SH2D4A: variants seen among roughly 807,000 people sequenced by gnomAD.
SH2D4A encodes SH2 domain-containing protein 4A.
Under a neutral mutation model 64.7 loss-of-function variants are expected in SH2D4A, and 70 were observed. The ratio of observed to expected loss-of-function variants is 1.08; its 90% CI spans 0.89 to 1.32. The LOEUF (loss-of-function observed/expected upper bound fraction) is 1.32, where lower values mean the gene tolerates loss of function less well. Among genes scored for constraint, SH2D4A ranks in the 40% most tolerant of loss-of-function variants. SH2D4A has a pLI of 0.00. For missense variants in SH2D4A, 706 were observed against 540.1 expected (o/e 1.31, Z -3.04); for synonymous variants, 268 against 200.7 (o/e 1.34, Z -2.83).
At chr8:19,330,587 C>G (rs1031221653) in intron 2 of SH2D4A, among the ~76,000 whole-genome samples, 22 of 152,246 alleles carry the variant, frequency 1.4e-4, no homozygotes, top group African/African-American at 5.1e-4. Flanking sequence ...GGATTTCTCT[C>G]CCCACCTGCA....
At chr8:19,390,073 C>T (rs556568036) in intron 8 of SH2D4A, among the ~76,000 whole-genome samples, 17 of 152,176 alleles carry the variant, frequency 1.1e-4, no homozygotes, top group East Asian at 3.9e-4. Context: ...GGACAAGTAC[C>T]GTTAGGTTGA....
intron 2 of SH2D4A, among the ~76,000 whole-genome samples, chr8:19,323,007 A>G (rs1303350552): frequency 6.6e-6 from 1 of 152,144 alleles, no homozygotes; most frequent in Admixed American, 6.6e-5. Flanking sequence ...AGGCTGAAGT[A>G]GAAGGGGCTG....
intron 4 of SH2D4A, among the ~76,000 whole-genome samples, chr8:19,344,072 G>C (rs1193523767): frequency 6.6e-6 from 1 of 152,194 alleles, no homozygotes; most frequent in African/African-American, 2.4e-5. Context: ...GTAAGTTTGA[G>C]TAGATGCTAA....
intron 8 of SH2D4A, among the ~76,000 whole-genome samples, chr8:19,386,620 G>C (rs1357517201): frequency 6.6e-6 from 1 of 152,158 alleles, no homozygotes; most frequent in East Asian, 1.9e-4. Context: ...TTGCCTAGAG[G>C]GGCCTCAGAG....
At chr8:19,351,325 TG>T (rs1193320562) in intron 4 of SH2D4A, among the ~76,000 whole-genome samples, 1 of 152,176 alleles carries the variant, frequency 6.6e-6, no homozygotes, top group African/African-American at 2.4e-5. Flanking sequence ...AGATCTCTGC[TG>T]GGCACAGTGG....
intron 7 of SH2D4A, among the ~76,000 whole-genome samples, chr8:19,372,388 G>A (rs1007514023): frequency 5.9e-5 from 9 of 152,158 alleles, no homozygotes; most frequent in Non-Finnish European, 1.2e-4. Context: ...GCTGGTCAGG[G>A]ACTCCAGTAC....
chr8:19,390,634 A>C (rs2053476727), intron 8 of SH2D4A, among the ~76,000 whole-genome samples: 1 of 152,202 alleles, frequency 6.6e-6, no homozygotes, highest in Admixed American at 6.5e-5. Context: ...AAAAAAGCAA[A>C]GACAAACTAC....
chr8:19,369,913 T>C (rs1340961895), intron 7 of SH2D4A, among the ~76,000 whole-genome samples: 1 of 152,088 alleles, frequency 6.6e-6, no homozygotes, highest in Non-Finnish European at 1.5e-5. Context: ...ATTACTTATT[T>C]GATATCTTTC....
At chr8:19,370,001 ATGT>A (rs1231256988) in intron 7 of SH2D4A, among the ~76,000 whole-genome samples, 1 of 151,962 alleles carries the variant, frequency 6.6e-6, no homozygotes, top group Admixed American at 6.6e-5. Flanking sequence ...AGGATTTGGT[ATGT>A]TGTTTTCATT....
chr8:19,393,939 T>TTTA (rs1160351683), intron 9 of SH2D4A, among the ~76,000 whole-genome samples: 6 of 152,198 alleles, frequency 3.9e-5, no homozygotes, highest in African/African-American at 1.4e-4. Context: ...GATTGTGCAT[T>TTTA]TTATTATTAC....
chr8:19,387,879 G>C (rs2053417649), intron 8 of SH2D4A, among the ~76,000 whole-genome samples: 1 of 152,192 alleles, frequency 6.6e-6, no homozygotes, highest in South Asian at 2.1e-4. Context: ...ATAAGCCCTA[G>C]TTAATAAGCG....
At chr8:19,333,492 C>T (rs549384107) in intron 3 of SH2D4A, among the ~76,000 whole-genome samples, 20 of 152,132 alleles carry the variant, frequency 1.3e-4, no homozygotes, top group Admixed American at 6.5e-4. Flanking sequence ...TGCAGGCCGA[C>T]GCAGCTGAGT....
At chr8:19,370,347 C>T (rs1008049449) in intron 7 of SH2D4A, among the ~76,000 whole-genome samples, 9 of 151,912 alleles carry the variant, frequency 5.9e-5, no homozygotes, top group African/African-American at 1.7e-4. Context: ...TGTTGAAGTC[C>T]TCTACTATTG....
chr8:19,381,548 C>T (rs2053292838), intron 8 of SH2D4A, among the ~76,000 whole-genome samples: 1 of 152,104 alleles, frequency 6.6e-6, no homozygotes. Flanking sequence ...TTAGTTTTAA[C>T]AGTTTTTTGT....
intron 2 of SH2D4A, among the ~76,000 whole-genome samples, chr8:19,325,981 T>C (rs149918320): frequency 1.3e-5 from 2 of 152,162 alleles, no homozygotes; most frequent in Non-Finnish European, 2.9e-5. Flanking sequence ...CAACTTCACA[T>C]CCCTGCTTGC....
At chr8:19,377,039 A>G (rs1288617026) in intron 8 of SH2D4A, among the ~76,000 whole-genome samples, 1 of 152,176 alleles carries the variant, frequency 6.6e-6, no homozygotes, top group African/African-American at 2.4e-5. Flanking sequence ...TCCAGGTGTA[A>G]TGAATATTAA....
At chr8:19,383,984 C>T (rs1050918899) in intron 8 of SH2D4A, among the ~76,000 whole-genome samples, 5 of 152,074 alleles carry the variant, frequency 3.3e-5, no homozygotes, top group Non-Finnish European at 5.9e-5. Context: ...AGAACAGTAC[C>T]TAATAGGTGG....
At chr8:19,394,244 A>G (rs2053548707) in intron 9 of SH2D4A, among the ~76,000 whole-genome samples, 1 of 151,936 alleles carries the variant, frequency 6.6e-6, no homozygotes, top group Non-Finnish European at 1.5e-5. Context: ...ATGAAGCTTC[A>G]CTCCACTGCT....
intron 4 of SH2D4A, among the ~76,000 whole-genome samples, chr8:19,353,368 G>GTTTTTT (rs71545549): frequency 7.6e-6 from 1 of 131,336 alleles, no homozygotes; most frequent in Non-Finnish European, 1.6e-5. Context: ...TAATCATCTA[G>GTTTTTT]TTTTTTTTTT....
Sources: gnomAD v4.1 joint callset for allele counts (sites outside exome capture counted in the v4.1 genomes callset) on GRCh38, gnomAD v4.1.1 for gene constraint, MANE v1.5 for transcripts, NCBI Gene and HGNC (gene_info 2026-07-23, HGNC 2026-07-21) for gene names.